YAF2: variants seen among roughly 807,000 people sequenced by gnomAD.
YAF2 encodes the protein YY1 associated factor 2.
Under a neutral mutation model 20.1 loss-of-function variants are expected in YAF2, and 7 were observed. That is an observed-to-expected ratio of 0.35 (90% CI 0.20 to 0.65). The LOEUF is 0.65. Among genes scored for constraint, YAF2 ranks in the 30% least tolerant of loss-of-function variants. The pLI, the probability that YAF2 is intolerant of heterozygous loss-of-function variation, is 0.69. For missense variants in YAF2, 151 were observed against 219.2 expected, an observed-to-expected ratio of 0.69 and a Z score of 1.96; for synonymous variants, 74 against 76.0, an observed-to-expected ratio of 0.97 and a Z score of 0.14.
chr12:42,199,232 A>T (rs1262811594), intron 2 of YAF2: 1 of 1,288,464 alleles, frequency 7.8e-7, no homozygotes, highest in Non-Finnish European at 1.0e-6. Context: ...TCTTCCTGTT[A>T]TCTCTGGCAA....
intron 2 of YAF2, among the ~76,000 whole-genome samples, chr12:42,188,041 G>A (rs2066518581): frequency 6.6e-6 from 1 of 152,154 alleles, no homozygotes; most frequent in Admixed American, 6.6e-5. Flanking sequence ...GCACCCTCAG[G>A]AGAAACCCAG....
chr12:42,192,053 A>C (rs1200913943), intron 2 of YAF2, among the ~76,000 whole-genome samples: 3 of 151,960 alleles, frequency 2.0e-5, no homozygotes, highest in Non-Finnish European at 4.4e-5. Context: ...AAAAAAAAAA[A>C]CAAAACATAC....
At chr12:42,172,216 A>G (rs1156570873) in intron 2 of YAF2, 2 of 152,248 alleles carry the variant, frequency 1.3e-5, no homozygotes, top group Admixed American at 6.5e-5. Flanking sequence ...GAAGCTTGAA[A>G]GAAAGATACA....
intron 2 of YAF2, among the ~76,000 whole-genome samples, chr12:42,165,705 T>G (rs886329639): frequency 4.0e-5 from 6 of 150,066 alleles, no homozygotes; most frequent in African/African-American, 1.5e-4. Flanking sequence ...TCTCCTGACC[T>G]CATGATCTGC....
intron 2 of YAF2, among the ~76,000 whole-genome samples, chr12:42,168,149 G>A (rs961343265): frequency 6.7e-6 from 1 of 149,460 alleles, no homozygotes; most frequent in African/African-American, 2.5e-5. Context: ...TTCCCATCAC[G>A]TCTATCTCAA....
chr12:42,212,488 T>G lies in YAF2; in HGVS notation c.152+25111A>C, dbSNP rs1179038997. The G allele has an allele frequency of 6.7e-6, 3 of 445,368 alleles. No individual in the cohort carries two copies. In the East Asian group the frequency reaches 2.1e-4, roughly 32 times the overall value. The allele number at this position is 445,368 out of a possible 1,614,324, so 27.6% of individuals were successfully genotyped here. A position where few individuals can be genotyped will look rare whatever the true frequency, so the allele number is the denominator to read the frequency against. ...TATGATTTCATGATTCTTCATTCTA[T>G]GGAAACAAAGAAAGTGTATAGTTTT... On this transcript the variant is annotated intron_variant, in intron 2 of 3. Transcript: ENST00000534854.
intron 2 of YAF2, among the ~76,000 whole-genome samples, chr12:42,228,422 A>G (rs1200713191): frequency 3.4e-5 from 1 of 29,768 alleles, no homozygotes; most frequent in Non-Finnish European, 5.9e-5. Flanking sequence ...TCCGGGAGGG[A>G]GGTGGGGGGG....
chr12:42,163,073 G>T (rs1692690373), intron 2 of YAF2, among the ~76,000 whole-genome samples: 1 of 152,066 alleles, frequency 6.6e-6, no homozygotes, highest in South Asian at 2.1e-4. Flanking sequence ...TACCCCGCAG[G>T]ATTTCTGATT....
At chr12:42,222,625 T>A (rs994443941) in intron 2 of YAF2, among the ~76,000 whole-genome samples, 1 of 152,138 alleles carries the variant, frequency 6.6e-6, no homozygotes, top group Non-Finnish European at 1.5e-5. Flanking sequence ...ACTTGAAAAA[T>A]CATCCCAGGA....
intron 2 of YAF2, among the ~76,000 whole-genome samples, chr12:42,203,749 G>A (rs1242703790): frequency 1.3e-5 from 2 of 152,094 alleles, no homozygotes; most frequent in Non-Finnish European, 2.9e-5. Context: ...AAGTAAGACT[G>A]AATGTAATAT....
chr12:42,169,433 G>A (rs968824460), intron 2 of YAF2, among the ~76,000 whole-genome samples: 2 of 149,666 alleles, frequency 1.3e-5, no homozygotes, highest in African/African-American at 4.9e-5. Flanking sequence ...CTTTTTTTTC[G>A]GAGACATAGT....
chr12:42,198,582 T>C (rs2066816359), intron 2 of YAF2, among the ~76,000 whole-genome samples: 1 of 152,144 alleles, frequency 6.6e-6, no homozygotes, highest in Non-Finnish European at 1.5e-5. Flanking sequence ...CGAGACCCTG[T>C]TTCAAAACAA....
intron 2 of YAF2, among the ~76,000 whole-genome samples, chr12:42,189,763 CTAA>C (rs2066566750): frequency 6.6e-6 from 1 of 151,874 alleles, no homozygotes; most frequent in Non-Finnish European, 1.5e-5. Context: ...AGTATTAATA[CTAA>C]TATTAGATGG....
intron 2 of YAF2, chr12:42,205,847 T>G (rs771386997): frequency 1.2e-5 from 5 of 404,076 alleles, no homozygotes; most frequent in Non-Finnish European, 1.5e-5. Context: ...AAGTACCATT[T>G]TTGTGCATCC....
intron 2 of YAF2, among the ~76,000 whole-genome samples, chr12:42,173,934 C>T (rs567516341): frequency 6.6e-6 from 1 of 152,182 alleles, no homozygotes; most frequent in South Asian, 2.1e-4. Context: ...GACTTCCCTA[C>T]CCTTACTCTT....
intron 2 of YAF2, among the ~76,000 whole-genome samples, chr12:42,169,993 C>G (rs1234156928): frequency 6.6e-6 from 1 of 152,046 alleles, no homozygotes; most frequent in Non-Finnish European, 1.5e-5. Context: ...ACCTCAGCCT[C>G]CAAAGTAACT....
At chr12:42,203,030 T>G (rs545188169) in intron 2 of YAF2, among the ~76,000 whole-genome samples, 2 of 151,828 alleles carry the variant, frequency 1.3e-5, no homozygotes, top group South Asian at 4.2e-4. Context: ...TGGTTATTCT[T>G]GAACCTTTAA....
chr12:42,163,731 T>C (rs2065849057), intron 2 of YAF2, among the ~76,000 whole-genome samples: 1 of 152,218 alleles, frequency 6.6e-6, no homozygotes, highest in Non-Finnish European at 1.5e-5. Context: ...TAAATGTATA[T>C]AGTTCAATTA....
intron 2 of YAF2, among the ~76,000 whole-genome samples, chr12:42,207,795 G>GCAGGAGAATGGCGTGAACC (rs1370927137): frequency 1.2e-3 from 116 of 98,784 alleles, no homozygotes; most frequent in African/African-American, 4.8e-3. Context: ...GGAGGCTGAG[G>GCAGGAGAATGGCGTGAACC]CAGGAGAATG....
Sources: allele counts gnomAD v4.1 joint callset (sites outside exome capture counted in the v4.1 genomes callset), GRCh38; gene constraint gnomAD v4.1.1; transcripts MANE v1.5; gene names NCBI Gene and HGNC (gene_info 2026-07-23, HGNC 2026-07-21).